The following SPAG16 variants were observed in gnomAD, a reference collection of about 807,000 sequenced individuals.
The protein encoded by SPAG16 is sperm-associated antigen 16 protein.
SPAG16 carries 86 observed loss-of-function variants against 80.4 expected under a neutral mutation model. The observed-to-expected ratio is 1.07, with a 90% CI of 0.90 to 1.28. The LOEUF is 1.28. Among genes scored for constraint, SPAG16 ranks in the 50% most tolerant of loss-of-function variants. The probability of loss-of-function intolerance (pLI) is 0.00; values close to 1 mark genes in which losing one functional copy is unlikely to be tolerated. For synonymous variants in SPAG16, 294 were observed against 265.9 expected (o/e 1.11, Z -1.03); for missense variants, 870 against 765.3 (o/e 1.14, Z -1.61).
At chr2:213,371,441 G>T (rs7608811) in intron 8 of SPAG16, among the ~76,000 whole-genome samples, 2 of 144,878 alleles carry the variant, frequency 1.4e-5, no homozygotes, top group African/African-American at 2.5e-5. Flanking sequence ...CGATTTATTG[G>T]TTAAGTGGTT....
intron 15 of SPAG16, among the ~76,000 whole-genome samples, chr2:214,325,706 T>C (rs2126001435): frequency 8.1e-6 from 1 of 124,114 alleles, no homozygotes; most frequent in South Asian, 2.9e-4. Context: ...TTCCAGACTA[T>C]TCCTTATTAT....
intron 10 of SPAG16, among the ~76,000 whole-genome samples, chr2:213,771,906 T>C (rs2069272877): frequency 1.3e-5 from 2 of 152,194 alleles, no homozygotes; most frequent in African/African-American, 4.8e-5. Context: ...TTGTTCTTTT[T>C]GCTTAGGATT....
intron 10 of SPAG16, among the ~76,000 whole-genome samples, chr2:213,683,435 C>A (rs10932492): frequency 0.27 from 40,568 of 151,898 alleles, 6,322 homozygotes; most frequent in Middle Eastern, 0.41. Context: ...CCTTTAGTCC[C>A]AGCTTCTCAA....
intron 14 of SPAG16, 55 bp downstream of exon 14, chr2:214,108,316 T>C: frequency 7.1e-7 from 1 of 1,408,364 alleles, no homozygotes; most frequent in Non-Finnish European, 9.9e-7. Flanking sequence ...TACAAATTCA[T>C]TTTTATAAAA....
chr2:213,619,619 C>T (rs1487238923), intron 10 of SPAG16, among the ~76,000 whole-genome samples: 1 of 152,122 alleles, frequency 6.6e-6, no homozygotes, highest in Non-Finnish European at 1.5e-5. Flanking sequence ...GATATCATCT[C>T]ACTCCAGTTA....
At chr2:213,616,872 A>G (rs1322963194) in intron 10 of SPAG16, among the ~76,000 whole-genome samples, 1 of 152,240 alleles carries the variant, frequency 6.6e-6, no homozygotes, top group Admixed American at 6.5e-5. Context: ...TTACTGAGAC[A>G]AGAAGCAGTA....
At chr2:214,299,743 C>T (rs1366412963) in intron 15 of SPAG16, among the ~76,000 whole-genome samples, 1 of 152,110 alleles carries the variant, frequency 6.6e-6, no homozygotes, top group African/African-American at 2.4e-5. Context: ...AATAAGGAAT[C>T]TCAGGTTAAA....
chr2:213,803,928 T>C (rs1055611298), intron 10 of SPAG16, among the ~76,000 whole-genome samples: 2 of 152,204 alleles, frequency 1.3e-5, no homozygotes, highest in African/African-American at 4.8e-5. Flanking sequence ...CTTTTTAGCT[T>C]TGATCCTTTG....
chr2:213,806,238 G>C (rs1188878535), intron 10 of SPAG16, among the ~76,000 whole-genome samples: 3 of 152,174 alleles, frequency 2.0e-5, no homozygotes, highest in African/African-American at 7.2e-5. Context: ...CAATGTGGGA[G>C]ATTATTTTAG....
chr2:213,287,155 T>G (rs1479753778), intron 1 of SPAG16, among the ~76,000 whole-genome samples: 1 of 152,214 alleles, frequency 6.6e-6, no homozygotes, highest in Non-Finnish European at 1.5e-5. Context: ...CTAGAACCCA[T>G]CATTAGAAAA....
At chr2:214,021,448 G>A (rs923034081) in intron 13 of SPAG16, among the ~76,000 whole-genome samples, 1 of 152,080 alleles carries the variant, frequency 6.6e-6, no homozygotes, top group Non-Finnish European at 1.5e-5. Flanking sequence ...CTTGTGCAGG[G>A]AAACTCCCGT....
At chr2:213,376,935 C>T (rs540482767) in intron 9 of SPAG16, among the ~76,000 whole-genome samples, 9 of 152,080 alleles carry the variant, frequency 5.9e-5, no homozygotes, top group East Asian at 3.8e-4. Flanking sequence ...TATAAACAGT[C>T]GCTCTCTTCT....
intron 13 of SPAG16, among the ~76,000 whole-genome samples, chr2:214,032,407 A>C (rs746135115): frequency 3.3e-5 from 5 of 152,198 alleles, no homozygotes; most frequent in Admixed American, 6.5e-5. Context: ...TTCCATAATT[A>C]ATCATTTTTG....
rs1157479466 is a variant in SPAG16, at chr2:213,986,195, T to G, written c.1401-27756T>G. Among the ~76,000 whole-genome samples the G allele has an allele frequency of 2.0e-5, 3 of 152,038 alleles. No homozygotes were observed. In the East Asian group the frequency reaches 5.8e-4, roughly 29 times the overall value. On this transcript the variant is annotated intron_variant, in intron 12 of 15. Transcript: ENST00000331683. ...TGAGATTTGAGGTAGACAGTGAAAG[T>G]TGGGCACAATTTGAATTGCCCAGCG... is the stretch of plus-strand genomic sequence containing the variant.
intron 10 of SPAG16, among the ~76,000 whole-genome samples, chr2:213,549,756 A>T (rs988252685): frequency 6.6e-6 from 1 of 152,196 alleles, no homozygotes; most frequent in East Asian, 1.9e-4. Flanking sequence ...AATATGCATT[A>T]AAAACAAAAT....
chr2:213,446,857 A>G (rs1340586087), intron 9 of SPAG16, among the ~76,000 whole-genome samples: 1 of 152,166 alleles, frequency 6.6e-6, no homozygotes, highest in African/African-American at 2.4e-5. Flanking sequence ...ACCTGGTTGT[A>G]TCCATCTAGA....
intron 13 of SPAG16, among the ~76,000 whole-genome samples, chr2:214,076,651 G>T (rs2051095000): frequency 6.6e-6 from 1 of 151,816 alleles, no homozygotes; most frequent in Non-Finnish European, 1.5e-5. Flanking sequence ...GAGTCTATTA[G>T]TTTTAAAATA....
chr2:214,209,417 C>CT (rs2058229798), intron 15 of SPAG16, among the ~76,000 whole-genome samples: 1 of 152,278 alleles, frequency 6.6e-6, no homozygotes, highest in Admixed American at 6.5e-5. Context: ...TTATGTGAAA[C>CT]TTTAACAGCA....
intron 11 of SPAG16, among the ~76,000 whole-genome samples, chr2:213,866,637 T>C (rs936310058): frequency 6.6e-6 from 1 of 151,642 alleles, no homozygotes; most frequent in African/African-American, 2.4e-5. Flanking sequence ...CTGGATGCCA[T>C]GAAGCTTAAT....
Sources: gnomAD v4.1 joint callset for allele counts (sites outside exome capture counted in the v4.1 genomes callset) on GRCh38, gnomAD v4.1.1 for gene constraint, MANE v1.5 for transcripts, NCBI Gene and HGNC (gene_info 2026-07-23, HGNC 2026-07-21) for gene names.